HEATR5B: variants seen among roughly 807,000 people sequenced by gnomAD.
The protein encoded by HEATR5B is HEAT repeat containing 5B.
HEATR5B carries 156 observed loss-of-function variants against 224.1 expected under a neutral mutation model. The ratio of observed to expected loss-of-function variants is 0.70; its 90% CI spans 0.61 to 0.80. The LOEUF (loss-of-function observed/expected upper bound fraction) is 0.80. Ranked by LOEUF, HEATR5B falls within the 30% of genes least tolerant of loss-of-function variation. HEATR5B has a pLI of 0.00. For synonymous variants in HEATR5B, 1,027 were observed against 893.0 expected (o/e 1.15, Z -2.68); for missense variants, 2,323 against 2,535.5 (o/e 0.92, Z 1.80).
chr2:36,997,988 A>G (rs1666841502), intron 33 of HEATR5B, among the ~76,000 whole-genome samples: 1 of 152,214 alleles, frequency 6.6e-6, no homozygotes, highest in Admixed American at 6.5e-5. Flanking sequence ...CCTAAATGAA[A>G]TTTATTTCTC....
chr2:37,053,908 A>AG (rs1344374681), intron 16 of HEATR5B, among the ~76,000 whole-genome samples: 2 of 151,728 alleles, frequency 1.3e-5, no homozygotes, highest in African/African-American at 4.8e-5. Flanking sequence ...TAGACGCTCA[A>AG]GGTTTCTTGC....
At chr2:36,999,929 T>C (rs1033035141) in intron 33 of HEATR5B, among the ~76,000 whole-genome samples, 3 of 151,354 alleles carry the variant, frequency 2.0e-5, no homozygotes, top group East Asian at 2.0e-4. Flanking sequence ...GAAGAATCAC[T>C]TGAACCCGGG....
chr2:36,982,863 T>TACACACAC (rs3836070), intron 35 of HEATR5B, among the ~76,000 whole-genome samples: 8,769 of 125,970 alleles, frequency 0.07, 555 homozygotes, highest in East Asian at 0.15. Context: ...CAGACACAGA[T>TACACACAC]ACACACACAC....
chr2:37,015,473 C>T (rs1242770023), intron 26 of HEATR5B, among the ~76,000 whole-genome samples: 1 of 152,154 alleles, frequency 6.6e-6, no homozygotes, highest in African/African-American at 2.4e-5. Flanking sequence ...GGAGAAGCAT[C>T]TGAGACAGAC....
At position 37,016,600 on chromosome 2, in the gene HEATR5B, G is replaced by C. The variant is rs180978129; in HGVS notation, c.4105-2580C>G. ...ATGTATTACAAATCACAATAAGAAA[G>C]ATTAACTAATGCTACATTCTCACTT... is the stretch of plus-strand genomic sequence containing the variant. On this transcript the variant is annotated intron_variant, in intron 26 of 35. Transcript: ENST00000233099. 1.2e-3 allele frequency among the ~76,000 whole-genome samples: 190 copies of C among 152,258 alleles called. No homozygotes were observed. In the Middle Eastern group the frequency reaches 0.024, roughly 19 times the overall value.
At chr2:37,008,279 T>C (rs1316904586) in intron 28 of HEATR5B, 1 of 222,184 alleles carries the variant, frequency 4.5e-6, no homozygotes, top group East Asian at 1.1e-4. Context: ...AAATAGAATA[T>C]GAAAATACAA....
rs372531605 is a variant in HEATR5B at position 36,994,752 on chromosome 2, CTTAT to C, written c.5546-3957_5546-3954del. The stretch of plus-strand genomic sequence containing the variant: ...TAAATTAATTATTTTAAAACAAATT[CTTAT>C]TTATTTATTTTTTGAGACAGAGTGT... On this transcript the variant is annotated intron_variant, in intron 33 of 35. Coordinates refer to ENST00000233099, the MANE Select transcript of HEATR5B (RefSeq NM_019024.3). Among the ~76,000 whole-genome samples the C allele has an allele frequency of 4.9e-3, 751 of 152,156 alleles. 5 individuals are homozygous for C. Among genetic ancestry groups the C allele is most frequent in the Non-Finnish European group, 6.5e-3 (445 of 67,992 alleles).
At chr2:36,988,977 T>C (rs1666136835) in intron 34 of HEATR5B, 118 bp from the exon 35 acceptor site, 8 of 691,834 alleles carry the variant, frequency 1.2e-5, no homozygotes, top group Non-Finnish European at 1.9e-5. Flanking sequence ...AAATGGAAAT[T>C]ACATTTTCTA....
chr2:36,983,482 T>A (rs1665721341), intron 35 of HEATR5B, among the ~76,000 whole-genome samples: 1 of 151,012 alleles, frequency 6.6e-6, no homozygotes, highest in Non-Finnish European at 1.5e-5. Context: ...GAGGTTGTGG[T>A]GAGCCGAGAT....
intron 7 of HEATR5B, 144 bp from the exon 8 acceptor site, chr2:37,069,074 T>A (rs1171384034): frequency 3.7e-6 from 3 of 819,812 alleles, no homozygotes; most frequent in Non-Finnish European, 5.5e-6. Context: ...AAACTTGAGG[T>A]CTTTTTACTA....
At chr2:36,998,384 A>C (rs1257497456) in intron 33 of HEATR5B, among the ~76,000 whole-genome samples, 1 of 152,242 alleles carries the variant, frequency 6.6e-6, no homozygotes, top group African/African-American at 2.4e-5. Context: ...AAAATTAAAA[A>C]GTCTAACAAT....
intron 33 of HEATR5B, among the ~76,000 whole-genome samples, chr2:36,997,569 T>TTA (rs1469101911): frequency 1.4e-4 from 20 of 147,512 alleles, no homozygotes; most frequent in African/African-American, 4.7e-4. Context: ...CTGCCATTCT[T>TTA]TTTTTTTTTT....
Position 37,068,733 on chromosome 2 carries a change from A to C in HEATR5B, c.1125T>G (p.Ile375Met), listed in dbSNP as rs1197693228. 1 of 1,614,164 alleles carries C rather than the reference A, an allele frequency of 6.2e-7. No individual in the cohort carries two copies. The highest frequency in any genetic ancestry group is 1.3e-5 in the African/African-American group (1 of 75,058). ...VGSLLGEKAQ[I>M]AAAKEICQAI... is the part of the protein sequence containing the mutation. ...CTTGGCAGATTTCTTTGGCAGCTGCAATCTGGGCTTTTTCACCTAGCAAAC... is the reference window on the plus strand; with the variant it reads ...CTTGGCAGATTTCTTTGGCAGCTGCCATCTGGGCTTTTTCACCTAGCAAAC... The change falls in exon 8 of 36, where the codon ATT becomes ATG. Residue 375 changes from isoleucine (I) to methionine (M), a missense_variant. By Grantham distance (10) the Ile-to-Met change is conservative. This residue lies in a region of HEATR5B where 502 missense variants were observed against 517.8 expected (regional missense o/e 0.97). Coordinates refer to ENST00000233099, the MANE Select transcript of HEATR5B (RefSeq NM_019024.3).
intron 7 of HEATR5B, among the ~76,000 whole-genome samples, chr2:37,069,809 C>T (rs189467264): frequency 7.4e-4 from 113 of 151,842 alleles, no homozygotes; most frequent in Non-Finnish European, 1.3e-3. Flanking sequence ...AGAAACATTT[C>T]GAAAGAAACC....
Position 37,000,775 on chromosome 2 carries a change from C to A in HEATR5B, c.5356G>T (p.Ala1786Ser). The change falls in exon 33 of 36, where the codon GCA becomes TCA. Residue 1786 changes from alanine (A) to serine (S), a missense_variant. By Grantham distance (99) the Ala-to-Ser change is moderately conservative. Around this residue, in one of 12 missense-constraint regions of HEATR5B, gnomAD observed 844 missense variants for 812.9 expected, o/e 1.04. Coordinates refer to ENST00000233099, the MANE Select transcript of HEATR5B (RefSeq NM_019024.3). ...TILPTILFLIARILKDTAIKS... is the reference protein window; with the variant it reads ...TILPTILFLISRILKDTAIKS... ...ATTGCTGTGTCTTTCAATATTCTTGCAATTAAGAACAGAATTGTGGGCAGG... is the reference window on the plus strand; with the variant it reads ...ATTGCTGTGTCTTTCAATATTCTTGAAATTAAGAACAGAATTGTGGGCAGG... The A allele has an allele frequency of 6.2e-7, 1 of 1,613,952 alleles. No individual in the cohort carries two copies. The highest frequency in any genetic ancestry group is 8.5e-7 in the Non-Finnish European group (1 of 1,179,896).
intron 11 of HEATR5B, 66 bp downstream of exon 11, chr2:37,061,873 T>G: frequency 1.1e-6 from 1 of 885,982 alleles, no homozygotes; most frequent in Admixed American, 2.2e-5. Context: ...ACTTTTAAAT[T>G]AAATTTGCTT....
chr2:37,017,432 C>T lies in HEATR5B; in HGVS notation c.4104+2377G>A, dbSNP rs543754191. On this transcript the variant is annotated intron_variant, in intron 26 of 35. Transcript: ENST00000233099. The stretch of plus-strand genomic sequence containing the variant: ...AGGTGCGGTGGCTCACACCTGTAAT[C>T]CCAGCACTTTGGGAGGCCCAGGTGG... Among the ~76,000 whole-genome samples the T allele has an allele frequency of 4.0e-5, 6 of 150,998 alleles. No homozygotes were observed. The South Asian group carries it at 6.3e-4, about 16-fold the overall frequency.
chr2:37,002,431 C>G lies in HEATR5B; in HGVS notation c.5192G>C (p.Ser1731Thr). The G allele has an allele frequency of 6.2e-7, 1 of 1,614,190 alleles. No individual in the cohort carries two copies. Among genetic ancestry groups the G allele is most frequent in the Non-Finnish European group, 8.5e-7 (1 of 1,180,044 alleles). Reference sequence around the variant, plus strand: ...ACTTGGAGAGTCTGACACCTTGGTACTGAGATGTGGCATATGCCGTACTAA... The same window carrying G: ...ACTTGGAGAGTCTGACACCTTGGTAGTGAGATGTGGCATATGCCGTACTAA... ...FILVRHMPHLSTKVSDSPSHI... is the reference protein window; with the variant it reads ...FILVRHMPHLTTKVSDSPSHI... Residue 1731 changes from serine (S) to threonine (T), a missense_variant, in exon 32 of 36, where the codon AGT becomes ACT. Ser to Thr is a moderately conservative substitution (Grantham distance 58). This residue lies in a region of HEATR5B where 844 missense variants were observed against 812.9 expected (regional missense o/e 1.04). Coordinates refer to ENST00000233099, the MANE Select transcript of HEATR5B (RefSeq NM_019024.3).
At position 37,053,448 on chromosome 2, in the gene HEATR5B, T is replaced by G. The variant is rs769239437; in HGVS notation, c.2505+54A>C. 122 of 950,574 alleles carry G rather than the reference T, an allele frequency of 1.3e-4. 1 individual carries two copies. Among genetic ancestry groups the G allele is most frequent in the Non-Finnish European group, 1.8e-4 (116 of 627,630 alleles). The allele number at this position is 950,574 out of a possible 1,614,324, so 58.9% of individuals were successfully genotyped here. A position where few individuals can be genotyped will look rare whatever the true frequency, so the allele number is the denominator to read the frequency against. On this transcript the variant is annotated intron_variant, in intron 17 of 35. Transcript: ENST00000233099. ...AATAATCTTGCTATGTCTGGCTTAT[T>G]AAATGCATTAATTAAAAACTTATTT...
Sources: allele counts gnomAD v4.1 joint callset (sites outside exome capture counted in the v4.1 genomes callset), GRCh38; gene constraint gnomAD v4.1.1; regional missense constraint gnomAD v4.1.1; transcripts MANE v1.5; gene names NCBI Gene and HGNC (gene_info 2026-07-23, HGNC 2026-07-21).